Variants in NAA15 observed in about 807,000 individuals in gnomAD.
NAA15 encodes N-alpha-acetyltransferase 15, NatA auxiliary subunit.
A neutral mutation model predicts 114.0 loss-of-function variants in NAA15; 34 were observed. The observed-to-expected ratio is 0.30, with a 90% confidence interval of 0.23 to 0.40. NAA15 has a LOEUF of 0.40. NAA15 is among the 10% of genes least tolerant of loss of function. NAA15 has a pLI of 1.00. For synonymous variants in NAA15, 340 were observed against 338.0 expected, an observed-to-expected ratio of 1.01 and a Z score of -0.06; for missense variants, 658 against 1,004.5, an observed-to-expected ratio of 0.66 and a Z score of 4.66.
Position 139,301,752 on chromosome 4 carries a change from C to G in NAA15, c.-26C>G. The G allele has an allele frequency of 6.4e-7, 1 of 1,554,378 alleles. No individual in the cohort carries two copies. The highest frequency in any genetic ancestry group is 8.7e-7 in the Non-Finnish European group (1 of 1,148,246). ...ACTGACTGACCGAGCCGGGTGGTGG[C>G]GGGAGCAGCGGGAGCAGCCGGAACG... On this transcript the variant is annotated 5_prime_UTR_variant, in exon 1 of 20. Coordinates refer to ENST00000296543, the MANE Select transcript of NAA15 (RefSeq NM_057175.5).
chr4:139,347,181 G>C (rs1242509279), intron 6 of NAA15, among the ~76,000 whole-genome samples: 1 of 152,186 alleles, frequency 6.6e-6, no homozygotes, highest in Non-Finnish European at 1.5e-5. Flanking sequence ...TGAGGGTGGA[G>C]ATCTCTTCTG....
At chr4:139,344,392 G>C (rs1208092120) in intron 6 of NAA15, 53 bp downstream of exon 6, 11 of 1,466,538 alleles carry the variant, frequency 7.5e-6, no homozygotes, top group Non-Finnish European at 1.0e-5. Context: ...GACAGAGCAA[G>C]GCTGAAAAAT....
At chr4:139,310,394 C>T (rs954994505) in intron 1 of NAA15, among the ~76,000 whole-genome samples, 6 of 146,148 alleles carry the variant, frequency 4.1e-5, no homozygotes, top group East Asian at 2.0e-4. Flanking sequence ...GCGGAGCTTG[C>T]AGTGAGCCGA....
At position 139,319,226 on chromosome 4, in the gene NAA15, G is replaced by A. The variant is rs143643005; in HGVS notation, c.55-14948G>A. Among the ~76,000 whole-genome samples the A allele has an allele frequency of 8.6e-3, 1,312 of 152,262 alleles. 11 individuals are homozygous for A. Among genetic ancestry groups the A allele is most frequent in the Non-Finnish European group, 0.014 (980 of 68,018 alleles). ...GGACAGTCGTTTAAACCCGTGAGGC[G>A]GGGGTTGCAGCGAGCCGAGATCATG... is the stretch of plus-strand genomic sequence containing the variant. On this transcript the variant is annotated intron_variant, in intron 1 of 19. Transcript: ENST00000296543.
At chr4:139,310,103 G>GA (rs1460119388) in intron 1 of NAA15, among the ~76,000 whole-genome samples, 1 of 152,098 alleles carries the variant, frequency 6.6e-6, no homozygotes, top group African/African-American at 2.4e-5. Flanking sequence ...TAATATTTCT[G>GA]CTTCTGACAA....
intron 9 of NAA15, among the ~76,000 whole-genome samples, chr4:139,353,269 C>T (rs1250700291): frequency 6.6e-6 from 1 of 152,146 alleles, no homozygotes; most frequent in African/African-American, 2.4e-5. Context: ...AGGCTTGTAG[C>T]TCAGCTTGTA....
At position 139,357,551 on chromosome 4, in the gene NAA15, A is replaced by T; in HGVS notation, c.1253A>T (p.Tyr418Phe). 1 of 1,589,678 alleles carries T rather than the reference A, an allele frequency of 6.3e-7. No homozygotes were observed. Among genetic ancestry groups the T allele is most frequent in the Non-Finnish European group, 8.6e-7 (1 of 1,162,312 alleles). ...CTCTTTCTCGTGAAAGCTAAAATCT[A>T]TAAGGTAAAAATCTTTTTTTCTATT... The part of the protein sequence containing the change: ...IELFLVKAKI[Y>F]KHAGNIKEAA... The change falls in exon 11 of 20, where the codon TAT (tyrosine) becomes TTT (phenylalanine). Residue 418 changes from tyrosine (Y) to phenylalanine (F), a missense_variant. Coordinates refer to ENST00000296543, the MANE Select transcript of NAA15 (RefSeq NM_057175.5).
At chr4:139,355,030 C>T (rs1187513212) in intron 10 of NAA15, among the ~76,000 whole-genome samples, 3 of 152,120 alleles carry the variant, frequency 2.0e-5, no homozygotes, top group Non-Finnish European at 2.9e-5. Context: ...CCTGCCACCA[C>T]GCCTGGCTAA....
intron 4 of NAA15, among the ~76,000 whole-genome samples, chr4:139,341,715 A>C (rs1747402027): frequency 6.6e-6 from 1 of 151,738 alleles, no homozygotes; most frequent in African/African-American, 2.4e-5. Context: ...AGCAAAACAA[A>C]AAAAAAATTT....
intron 6 of NAA15, among the ~76,000 whole-genome samples, chr4:139,344,854 G>C (rs551927051): frequency 1.3e-5 from 2 of 152,298 alleles, no homozygotes; most frequent in South Asian, 2.1e-4. Flanking sequence ...AAGAAAGGGA[G>C]ACCAGAGATT....
chr4:139,364,090 T>C (rs1748209795), intron 14 of NAA15, among the ~76,000 whole-genome samples: 1 of 152,192 alleles, frequency 6.6e-6, no homozygotes, highest in Admixed American at 6.5e-5. Flanking sequence ...TGCCCAGGCT[T>C]GTCTTGAGCC....
chr4:139,360,073 C>A (rs1216440583), intron 12 of NAA15, among the ~76,000 whole-genome samples, 178 bp downstream of exon 12: 1 of 152,042 alleles, frequency 6.6e-6, no homozygotes, highest in Non-Finnish European at 1.5e-5. Flanking sequence ...AAAGGATTTT[C>A]CATTTAGAGG....
At chr4:139,377,786 A>G (rs535616791) in intron 16 of NAA15, among the ~76,000 whole-genome samples, 55 of 152,334 alleles carry the variant, frequency 3.6e-4, no homozygotes, top group Admixed American at 2.9e-3. Context: ...TAACGTGGAA[A>G]ATAAGTTTAA....
rs990714500 is a variant in NAA15 at position 139,344,429 on chromosome 4, A to G, written c.691+90A>G. 1.9e-5 allele frequency: 20 copies of G among 1,076,426 alleles called. No individual in the cohort carries two copies. In the African/African-American group the frequency reaches 3.2e-4, roughly 17 times the overall value. 66.7% of individuals were successfully genotyped at this position (1,076,426 alleles called of 1,614,324 possible). On this transcript the variant is annotated intron_variant, in intron 6 of 19. Coordinates refer to ENST00000296543, the MANE Select transcript of NAA15 (RefSeq NM_057175.5). ...TAGTTGCTGCTGACAGTTTCATATAATTCAGCTTTTTGATGATAGGAAATC... is the reference window on the plus strand; with the variant it reads ...TAGTTGCTGCTGACAGTTTCATATAGTTCAGCTTTTTGATGATAGGAAATC...
intron 1 of NAA15, chr4:139,302,623 T>G (rs1745842692): frequency 6.6e-6 from 1 of 151,906 alleles, no homozygotes; most frequent in South Asian, 2.1e-4. Context: ...GTTGCAGACC[T>G]AGACTTTTCT....
At position 139,386,237 on chromosome 4, in the gene NAA15, A is replaced by G; in HGVS notation, c.2400+7A>G. On this transcript the variant is annotated splice_region_variant and intron_variant, in intron 19 of 19. Transcript: ENST00000296543. ...CACTAACAGAAACCTCCAGGTAAAG[A>G]GTTTTTCATAATCTCTCTGTAAGAA... 1 of 1,515,426 alleles carries G rather than the reference A, an allele frequency of 6.6e-7. No homozygotes were observed. The highest frequency in any genetic ancestry group is 9.1e-7 in the Non-Finnish European group (1 of 1,096,656). The allele number at this position is 1,515,426 out of a possible 1,614,324, so 93.9% of individuals were successfully genotyped here.
intron 1 of NAA15, among the ~76,000 whole-genome samples, chr4:139,328,409 T>C (rs565337831): frequency 1.3e-5 from 2 of 152,134 alleles, no homozygotes; most frequent in South Asian, 4.1e-4. Flanking sequence ...GGTTTCACCA[T>C]GTTGTCCAGA....
intron 6 of NAA15, among the ~76,000 whole-genome samples, chr4:139,347,651 A>T (rs1025841314): frequency 3.9e-5 from 6 of 152,210 alleles, no homozygotes; most frequent in Non-Finnish European, 8.8e-5. Context: ...TCAAAAAGAA[A>T]GAATGAATGA....
At chr4:139,312,386 T>C (rs988052248) in intron 1 of NAA15, among the ~76,000 whole-genome samples, 1 of 151,930 alleles carries the variant, frequency 6.6e-6, no homozygotes, top group African/African-American at 2.4e-5. Context: ...ATCTAAGTTG[T>C]TTTATGATAC....
Sources: allele counts gnomAD v4.1 joint callset (sites outside exome capture counted in the v4.1 genomes callset), GRCh38; gene constraint gnomAD v4.1.1; transcripts MANE v1.5; gene names NCBI Gene and HGNC (gene_info 2026-07-23, HGNC 2026-07-21).